RBBP8: variants seen among roughly 807,000 people sequenced by gnomAD.
RBBP8 encodes the protein RB binding protein 8, endonuclease.
Under a neutral mutation model 108.3 loss-of-function variants are expected in RBBP8, and 88 were observed. That is an observed-to-expected ratio of 0.81 (90% CI 0.68 to 0.97). The LOEUF (loss-of-function observed/expected upper bound fraction) is 0.97, where lower values mean the gene tolerates loss of function less well. RBBP8 is among the 50% of genes least tolerant of loss of function. The pLI is 0.00. For missense variants in RBBP8, 1,023 were observed against 1,049.0 expected (o/e 0.98, Z 0.34); for synonymous variants, 332 against 348.2 (o/e 0.95, Z 0.52).
chr18:23,014,065 C>G (rs1005964114), intron 16 of RBBP8, among the ~76,000 whole-genome samples: 5 of 152,146 alleles, frequency 3.3e-5, no homozygotes, highest in African/African-American at 1.2e-4. Flanking sequence ...ATGGCGCGAT[C>G]TTGGCTCATT....
At chr18:22,977,537 T>G (rs1302985851) in intron 6 of RBBP8, among the ~76,000 whole-genome samples, 1 of 152,038 alleles carries the variant, frequency 6.6e-6, no homozygotes, top group East Asian at 1.9e-4. Flanking sequence ...ATGTGATGGG[T>G]CAGTGAAAGT....
intron 3 of RBBP8, among the ~76,000 whole-genome samples, chr18:22,924,177 G>A (rs1376519849): frequency 2.2e-5 from 3 of 134,558 alleles, no homozygotes; most frequent in Non-Finnish European, 4.6e-5. Flanking sequence ...TCATCAGGCT[G>A]GAGTGCAGTG....
At chr18:22,985,582 A>G (rs1039331880) in intron 8 of RBBP8, among the ~76,000 whole-genome samples, 1 of 152,122 alleles carries the variant, frequency 6.6e-6, no homozygotes, top group Non-Finnish European at 1.5e-5. Flanking sequence ...CAGAGTGAGT[A>G]AAGGGGAGAT....
At chr18:23,018,656 G>A (rs1351923479) in intron 17 of RBBP8, among the ~76,000 whole-genome samples, 3 of 109,036 alleles carry the variant, frequency 2.8e-5, no homozygotes, top group Non-Finnish European at 4.6e-5. Context: ...ATACTGTATT[G>A]TATAGGGAAT....
chr18:22,985,654 G>A (rs944376169), intron 8 of RBBP8, among the ~76,000 whole-genome samples: 2 of 152,132 alleles, frequency 1.3e-5, no homozygotes, highest in African/African-American at 4.8e-5. Context: ...GGGAGCCGCA[G>A]GTGTATAGGT....
intron 3 of RBBP8, among the ~76,000 whole-genome samples, 199 bp downstream of exon 3, chr18:22,946,685 A>T (rs930018827): frequency 6.6e-6 from 1 of 152,112 alleles, no homozygotes; most frequent in Non-Finnish European, 1.5e-5. Context: ...TAAAAAGAAT[A>T]ATTTTGCAAT....
At position 23,001,631 on chromosome 18, in the gene RBBP8, G is replaced by A. The variant is rs1413016763; in HGVS notation, c.2189G>A (p.Arg730Gln). The stretch of plus-strand genomic sequence containing the variant: ...GATAGCTTGGAAGATATGTTTGATC[G>A]GACAACACATGAAGAGTATGAATCC... ...MNDSLEDMFD[R>Q]TTHEEYESCL... The change falls in exon 15 of 19, where the codon CGG becomes CAG. Residue 730 changes from arginine to glutamine, a missense_variant. Physicochemically the swap from Arg to Gln is conservative, Grantham distance 43 (BLOSUM62 1). Transcript: ENST00000327155. 42 of 1,613,878 alleles carry A rather than the reference G, an allele frequency of 2.6e-5. No homozygotes were observed. Among genetic ancestry groups the A allele is most frequent in the East Asian group, 4.5e-5 (2 of 44,856 alleles).
At chr18:22,937,145 A>G in intron 2 of RBBP8, 185 bp downstream of exon 2, 1 of 1,275,108 alleles carries the variant, frequency 7.8e-7, no homozygotes, top group Non-Finnish European at 1.0e-6. Context: ...TGATTTCATC[A>G]CCCAGGTAGT....
chr18:22,982,394 G>T lies in RBBP8; in HGVS notation c.604+1G>T, dbSNP rs587780432. On this transcript the variant is annotated splice_donor_variant, in intron 7 of 18. Coordinates refer to ENST00000327155, the MANE Select transcript of RBBP8 (RefSeq NM_002894.3). LOFTEE classifies it high-confidence loss of function. The stretch of plus-strand genomic sequence containing the variant: ...TTGGAGCACTCTGTGTGTGCAAATG[G>T]TAAGAGTTGGAGTTGTATTTTAGTT... 2.5e-6 allele frequency: 4 copies of T among 1,613,862 alleles called. No individual in the cohort carries two copies. Among genetic ancestry groups the T allele is most frequent in the Admixed American group, 1.7e-5 (1 of 60,028 alleles).
intron 8 of RBBP8, 106 bp downstream of exon 8, chr18:22,985,096 A>G (rs192738321): frequency 6.1e-5 from 90 of 1,474,042 alleles, no homozygotes; most frequent in Non-Finnish European, 7.9e-5. Flanking sequence ...TATTTTCCAT[A>G]TAATTTTGTT....
At chr18:22,982,111 A>G in intron 6 of RBBP8, 107 bp from the exon 7 acceptor site, 5 of 1,236,670 alleles carry the variant, frequency 4.0e-6, no homozygotes, top group Non-Finnish European at 5.7e-6. Context: ...GCAAGGGATT[A>G]CATCCCTTAG....
Position 22,997,662 on chromosome 18 carries a change from G to A in RBBP8, c.2071G>A (p.Asp691Asn). ...ATTAGGAGGAGAGACAGTGGACATG[G>A]ACTGTACATTGGTTAGTGAAACCGT... is the stretch of plus-strand genomic sequence containing the variant. Reference protein sequence around the residue: ...SKLGGETVDMDCTLVSETVLL... With the variant: ...SKLGGETVDMNCTLVSETVLL... Residue 691 changes from aspartate (D) to asparagine (N), a missense_variant, in exon 14 of 19, where the codon GAC becomes AAC. Physicochemically the swap from Asp to Asn is conservative, Grantham distance 23. Transcript: ENST00000327155. 1 of 1,610,762 alleles carries A rather than the reference G, an allele frequency of 6.2e-7. No homozygotes were observed. The highest frequency in any genetic ancestry group is 1.3e-5 in the African/African-American group (1 of 74,902).
chr18:22,987,296 A>AG (rs1244277234), intron 8 of RBBP8, among the ~76,000 whole-genome samples: 4 of 152,216 alleles, frequency 2.6e-5, no homozygotes, highest in Non-Finnish European at 4.4e-5. Flanking sequence ...GTACAGGGGA[A>AG]GGTAGGGAGG....
At chr18:22,980,416 A>G (rs1297269636) in intron 6 of RBBP8, among the ~76,000 whole-genome samples, 1 of 152,196 alleles carries the variant, frequency 6.6e-6, no homozygotes, top group Non-Finnish European at 1.5e-5. Context: ...GAAGGAGATT[A>G]GAGAGATAAT....
chr18:23,008,290 T>G (rs1165123176), intron 16 of RBBP8, among the ~76,000 whole-genome samples: 1 of 152,206 alleles, frequency 6.6e-6, no homozygotes, highest in Non-Finnish European at 1.5e-5. Context: ...TCAGTAAAGT[T>G]ACTCCTTTTA....
intron 5 of RBBP8, among the ~76,000 whole-genome samples, chr18:22,970,003 C>G (rs980636452): frequency 5.3e-5 from 8 of 152,192 alleles, no homozygotes; most frequent in Admixed American, 2.0e-4. Flanking sequence ...TGACGCATAC[C>G]AAAATCCTTG....
intron 4 of RBBP8, among the ~76,000 whole-genome samples, chr18:22,959,870 C>CTTTTTTTTTTT (rs35259762): frequency 1.2e-5 from 1 of 86,406 alleles, no homozygotes; most frequent in Non-Finnish European, 2.2e-5. Flanking sequence ...GATGAACTTT[C>CTTTTTTTTTTT]TTTTTTTTTT....
Position 22,997,740 on chromosome 18 carries a change from A to G in RBBP8, c.2143+6A>G. 6.5e-7 allele frequency: 1 copy of G among 1,545,322 alleles called. No individual in the cohort carries two copies. The highest frequency in any genetic ancestry group is 8.9e-7 in the Non-Finnish European group (1 of 1,125,650). On this transcript the variant is annotated splice_donor_region_variant and intron_variant, in intron 14 of 18. Coordinates refer to ENST00000327155, the MANE Select transcript of RBBP8 (RefSeq NM_002894.3). ...GAAGGGAGAAAAAAGTTCAAGTAAG[A>G]TCTGTTTTTGTTTTGTTATTTTTTT...
At chr18:22,947,545 T>C (rs1008894534) in intron 3 of RBBP8, among the ~76,000 whole-genome samples, 4 of 152,106 alleles carry the variant, frequency 2.6e-5, no homozygotes, top group Admixed American at 2.0e-4. Context: ...TTCAGTTACC[T>C]TAGAAAGACA....
Sources: gnomAD v4.1 joint callset for allele counts (sites outside exome capture counted in the v4.1 genomes callset) on GRCh38, gnomAD v4.1.1 for gene constraint, MANE v1.5 for transcripts, NCBI Gene and HGNC (gene_info 2026-07-23, HGNC 2026-07-21) for gene names.